Variants in PRKAG1 observed in about 807,000 individuals in gnomAD.
PRKAG1 encodes protein kinase AMP-activated non-catalytic subunit gamma 1, also known as 5'-AMP-activated protein kinase subunit gamma-1.
PRKAG1 carries 27 observed loss-of-function variants against 48.2 expected under a neutral mutation model. The observed-to-expected ratio is 0.56, with a 90% CI of 0.41 to 0.77. The LOEUF (loss-of-function observed/expected upper bound fraction) is 0.77, where lower values mean the gene tolerates loss of function less well. Among genes scored for constraint, PRKAG1 ranks in the 30% least tolerant of loss-of-function variants. The pLI, the probability that PRKAG1 is intolerant of heterozygous loss-of-function variation, is 0.00. For synonymous variants in PRKAG1, 130 were observed against 147.7 expected (o/e 0.88, Z 0.87); for missense variants, 287 against 398.3 (o/e 0.72, Z 2.38).
At chr12:49,017,067 C>G (rs891861755) in intron 1 of PRKAG1, 6 of 445,486 alleles carry the variant, frequency 1.3e-5, no homozygotes, top group Non-Finnish European at 2.7e-5. Context: ...TTTCTCTCAG[C>G]TATTCTGTCA....
chr12:49,005,870 G>A lies in PRKAG1; in HGVS notation c.59-18C>T. The A allele has an allele frequency of 6.6e-7, 1 of 1,523,254 alleles. No homozygotes were observed. The highest frequency in any genetic ancestry group is 8.9e-7 in the Non-Finnish European group (1 of 1,126,746). 94.4% of individuals were successfully genotyped at this position (1,523,254 alleles called of 1,614,324 possible). ...TGGGGTCTCTGCATAGGGTGGGATA[G>A]TTAGTAGCTTCCTTCCACATAAAAA... is the stretch of plus-strand genomic sequence containing the variant. On this transcript the variant is annotated intron_variant, in intron 2 of 11. Coordinates refer to ENST00000548065, the MANE Select transcript of PRKAG1 (RefSeq NM_002733.5). The surrounding 1 kb of genome is among the most constrained non-coding windows in gnomAD (Gnocchi z 4.1).
chr12:49,017,793 A>C (rs890461115), intron 1 of PRKAG1: 2 of 152,402 alleles, frequency 1.3e-5, no homozygotes, highest in Non-Finnish European at 2.9e-5. Flanking sequence ...TGAAAGAAAC[A>C]ACCTCTCTGT....
chr12:49,007,456 T>C (rs994017607), intron 2 of PRKAG1, among the ~76,000 whole-genome samples: 8 of 152,220 alleles, frequency 5.3e-5, no homozygotes, highest in Admixed American at 3.9e-4. Flanking sequence ...CCAAACTTCA[T>C]GCTCTTAAGT....
chr12:49,003,490 C>A, intron 10 of PRKAG1, 68 bp downstream of exon 10: 1 of 1,582,526 alleles, frequency 6.3e-7, no homozygotes, highest in South Asian at 1.1e-5. Flanking sequence ...TCCCTTCTCC[C>A]TCTCCATATT....
chr12:49,015,465 A>G (rs976001989), intron 1 of PRKAG1, among the ~76,000 whole-genome samples: 1 of 152,250 alleles, frequency 6.6e-6, no homozygotes, highest in East Asian at 1.9e-4. Context: ...ATGCACACTG[A>G]TATGAACAGA....
chr12:49,005,452 T>C lies in PRKAG1; in HGVS notation c.250+10A>G. On this transcript the variant is annotated intron_variant, in intron 4 of 11. Transcript: ENST00000548065. This position sits in a 1 kb window ranked among gnomAD's most constrained non-coding sequence, Gnocchi z 4.1. ...GCCAATAATATTGTGTTCCAGAAAC[T>C]TTTGCTTACCCACAAAACTTTGCTT... is the stretch of plus-strand genomic sequence containing the variant. The C allele has an allele frequency of 6.2e-7, 1 of 1,614,030 alleles. No individual in the cohort carries two copies. The highest frequency in any genetic ancestry group is 8.5e-7 in the Non-Finnish European group (1 of 1,180,022).
intron 1 of PRKAG1, among the ~76,000 whole-genome samples, chr12:49,016,378 AT>A: frequency 6.6e-6 from 1 of 152,366 alleles, no homozygotes; most frequent in Non-Finnish European, 1.5e-5. Flanking sequence ...ATTTCCAATT[AT>A]TTGTTTGACA....
intron 1 of PRKAG1, 199 bp downstream of exon 1, chr12:49,018,533 G>T (rs528828960): frequency 7.1e-5 from 102 of 1,438,052 alleles, no homozygotes; most frequent in Non-Finnish European, 8.8e-5. Flanking sequence ...CGGAAAGGCG[G>T]CGGGGACGCG....
In PRKAG1 at chr12:49,005,073, A is replaced by C. The variant is rs201089992; in HGVS notation, c.355+47T>G. ...ACCACCATGGAAAAGTGTTTCCCAG[A>C]AACCCGCCATCCCTTTATCCTTTTA... On this transcript the variant is annotated intron_variant, in intron 6 of 11. Coordinates refer to ENST00000548065, the MANE Select transcript of PRKAG1 (RefSeq NM_002733.5). This position sits in a 1 kb window ranked among gnomAD's most constrained non-coding sequence, Gnocchi z 4.1. The C allele has an allele frequency of 1.9e-6, 3 of 1,613,362 alleles. No homozygotes were observed.
In PRKAG1 at chr12:49,005,868, T is replaced by C. The variant is rs762941105; in HGVS notation, c.59-16A>G. On this transcript the variant is annotated splice_polypyrimidine_tract_variant and intron_variant, in intron 2 of 11. Coordinates refer to ENST00000548065, the MANE Select transcript of PRKAG1 (RefSeq NM_002733.5). This position sits in a 1 kb window ranked among gnomAD's most constrained non-coding sequence, Gnocchi z 4.1. ...TCTGGGGTCTCTGCATAGGGTGGGATAGTTAGTAGCTTCCTTCCACATAAA... is the reference window on the plus strand; with the variant it reads ...TCTGGGGTCTCTGCATAGGGTGGGACAGTTAGTAGCTTCCTTCCACATAAA... 6.5e-7 allele frequency: 1 copy of C among 1,535,214 alleles called. No homozygotes were observed. Among genetic ancestry groups the C allele is most frequent in the Non-Finnish European group, 8.8e-7 (1 of 1,134,910 alleles).
rs1376761919 is a variant in PRKAG1, at chr12:49,005,837, T to C, written c.74A>G (p.Asn25Ser). The change falls in exon 3 of 12, where the codon AAC becomes AGC. Residue 25 changes from asparagine to serine, a missense_variant. Around this residue, in one of 2 missense-constraint regions of PRKAG1, gnomAD observed 63 missense variants for 54.0 expected, o/e 1.17. Transcript: ENST00000548065. This position sits in a 1 kb window ranked among gnomAD's most constrained non-coding sequence, Gnocchi z 4.1. ...NEHPQETPESNNSVYTSFMKS... is the reference protein window; with the variant it reads ...NEHPQETPESSNSVYTSFMKS... ...CATGAAGGAAGTATACACGCTATTG[T>C]TGGATTCTGGGGTCTCTGCATAGGG... 1 of 1,608,262 alleles carries C rather than the reference T, an allele frequency of 6.2e-7. No individual in the cohort carries two copies. Among genetic ancestry groups the C allele is most frequent in the Non-Finnish European group, 8.5e-7 (1 of 1,176,644 alleles).
chr12:49,006,968 T>A (rs1172938804), intron 2 of PRKAG1, among the ~76,000 whole-genome samples: 1 of 144,700 alleles, frequency 6.9e-6, no homozygotes, highest in Admixed American at 7.1e-5. Context: ...AAACTCCGTG[T>A]CAAAAAAATA....
chr12:49,005,789 A>C lies in PRKAG1; in HGVS notation c.122T>G (p.Leu41Arg). ...AACCAATTTGGAGCTTGTGGGAATC[A>C]GGTCATAGCAGCGATGAGACTTCAT... ...SFMKSHRCYD[L>R]IPTSSKLVVF... is the part of the protein sequence containing the mutation. The change falls in exon 3 of 12, where the codon CTG becomes CGG. Residue 41 changes from leucine to arginine, a missense_variant. Physicochemically the swap from Leu to Arg is moderately radical, Grantham distance 102 (BLOSUM62 -2). Coordinates refer to ENST00000548065, the MANE Select transcript of PRKAG1 (RefSeq NM_002733.5). The surrounding 1 kb of genome is among the most constrained non-coding windows in gnomAD (Gnocchi z 4.1). The C allele has an allele frequency of 1.2e-6, 2 of 1,614,112 alleles. No homozygotes were observed. Among genetic ancestry groups the C allele is most frequent in the Non-Finnish European group, 1.7e-6 (2 of 1,179,998 alleles).
rs762941105 is a variant in PRKAG1, at chr12:49,005,868, T to G, written c.59-16A>C. On this transcript the variant is annotated splice_polypyrimidine_tract_variant and intron_variant, in intron 2 of 11. Transcript: ENST00000548065. This position sits in a 1 kb window ranked among gnomAD's most constrained non-coding sequence, Gnocchi z 4.1. ...TCTGGGGTCTCTGCATAGGGTGGGA[T>G]AGTTAGTAGCTTCCTTCCACATAAA... The G allele has an allele frequency of 1.3e-6, 2 of 1,535,096 alleles. No individual in the cohort carries two copies. Among genetic ancestry groups the G allele is most frequent in the East Asian group, 2.3e-5 (1 of 44,118 alleles).
At chr12:49,014,371 C>T (rs1457125363) in intron 1 of PRKAG1, among the ~76,000 whole-genome samples, 1 of 152,200 alleles carries the variant, frequency 6.6e-6, no homozygotes, top group African/African-American at 2.4e-5. Flanking sequence ...CCTAATGAAA[C>T]ACTAGGTCCT....
chr12:49,003,600 G>A lies in PRKAG1; in HGVS notation c.704-5C>T. 6.2e-7 allele frequency: 1 copy of A among 1,613,252 alleles called. No homozygotes were observed. The highest frequency in any genetic ancestry group is 8.5e-7 in the Non-Finnish European group (1 of 1,179,848). ...AGTAGATGTCCACCACACGCCCTAG[G>A]GGGACAGAGGCAGCTCAGTAAGGAG... On this transcript the variant is annotated splice_polypyrimidine_tract_variant and splice_region_variant and intron_variant, in intron 9 of 11. Transcript: ENST00000548065.
intron 1 of PRKAG1, among the ~76,000 whole-genome samples, chr12:49,013,683 T>C (rs1330755228): frequency 6.6e-6 from 1 of 152,172 alleles, no homozygotes; most frequent in East Asian, 1.9e-4. Context: ...ACATGGCTGA[T>C]AAGGGGTGGA....
At chr12:49,003,353 C>G (rs1941374174) in intron 10 of PRKAG1, 63 bp from the exon 11 acceptor site, 1 of 1,600,886 alleles carries the variant, frequency 6.2e-7, no homozygotes, top group Non-Finnish European at 8.5e-7. Flanking sequence ...ACCCTGAACC[C>G]ATCCAACCTC....
At chr12:49,018,520 G>C in intron 1 of PRKAG1, 1 of 1,428,628 alleles carries the variant, frequency 7.0e-7, no homozygotes, top group South Asian at 1.5e-5. Flanking sequence ...AGGGTACCGC[G>C]TACGGAAAGG....
Sources: allele counts gnomAD v4.1 joint callset (sites outside exome capture counted in the v4.1 genomes callset), GRCh38; gene constraint gnomAD v4.1.1; regional missense constraint gnomAD v4.1.1; non-coding constraint Gnocchi (gnomAD v3.1); transcripts MANE v1.5; gene names NCBI Gene and HGNC (gene_info 2026-07-23, HGNC 2026-07-21).